KNL1: variants seen among roughly 807,000 people sequenced by gnomAD.
KNL1 encodes kinetochore scaffold 1.
A neutral mutation model predicts 201.3 loss-of-function variants in KNL1; 66 were observed. The observed-to-expected ratio is 0.33, with a 90% CI of 0.27 to 0.40. The LOEUF (loss-of-function observed/expected upper bound fraction) is 0.40. Ranked by LOEUF, KNL1 falls within the 10% of genes least tolerant of loss-of-function variation. The pLI is 1.00. For missense variants in KNL1, 2,815 were observed against 2,690.5 expected (o/e 1.05, Z -1.02); for synonymous variants, 895 against 899.2 (o/e 1.00, Z 0.08).
chr15:40,658,858 A>C (rs562270572), intron 24 of KNL1, among the ~76,000 whole-genome samples: 91 of 150,442 alleles, frequency 6.0e-4, no homozygotes, highest in African/African-American at 2.0e-3. Context: ...TGAACCTGGA[A>C]GGTGGAGGTT....
intron 14 of KNL1, chr15:40,643,176 CTTTTA>C (rs1230287833): frequency 6.6e-6 from 1 of 152,100 alleles, no homozygotes; most frequent in East Asian, 1.9e-4. Context: ...GAATTGGAAA[CTTTTA>C]TTTTATTTTT....
chr15:40,644,827 A>T (rs1030436921), intron 14 of KNL1, among the ~76,000 whole-genome samples, 170 bp from the exon 15 acceptor site: 1 of 152,208 alleles, frequency 6.6e-6, no homozygotes, highest in Non-Finnish European at 1.5e-5. Context: ...GGCTGGGGCA[A>T]AGTGGTTGGG....
intron 14 of KNL1, among the ~76,000 whole-genome samples, chr15:40,641,511 A>C (rs1893227745): frequency 6.6e-6 from 1 of 152,222 alleles, no homozygotes; most frequent in Non-Finnish European, 1.5e-5. Flanking sequence ...AAAATCCAAA[A>C]TGTTTTAGCC....
chr15:40,624,644 C>G lies in KNL1; in HGVS notation c.4380C>G (p.Ile1460Met), dbSNP rs1315801040. Residue 1460 changes from isoleucine (I) to methionine (M), a missense_variant, in exon 10 of 26, where the codon ATC becomes ATG. Physicochemically the swap from Ile to Met is conservative, Grantham distance 10. Transcript: ENST00000399668. ...PPLPKKGQSSINKEEVILSKA... is the reference protein window; with the variant it reads ...PPLPKKGQSSMNKEEVILSKA... ...TACCTAAAAAAGGACAGAGTAGTAT[C>G]AATAAAGAAGAAGTAATACTGTCTA... 6.2e-7 allele frequency: 1 copy of G among 1,613,650 alleles called. No individual in the cohort carries two copies. Among genetic ancestry groups the G allele is most frequent in the Non-Finnish European group, 8.5e-7 (1 of 1,179,796 alleles).
intron 4 of KNL1, 102 bp downstream of exon 4, chr15:40,606,554 A>C: frequency 1.5e-6 from 1 of 671,266 alleles, no homozygotes; most frequent in South Asian, 1.9e-5. Context: ...TAAGCATCCC[A>C]TGAGTTTCCA....
intron 16 of KNL1, among the ~76,000 whole-genome samples, chr15:40,645,980 T>C (rs972517909): frequency 2.0e-5 from 3 of 152,244 alleles, no homozygotes; most frequent in Non-Finnish European, 2.9e-5. Flanking sequence ...TGTGGGCCTA[T>C]GTCTCATCTC....
At chr15:40,632,556 T>G (rs1332933529) in intron 13 of KNL1, among the ~76,000 whole-genome samples, 1 of 151,866 alleles carries the variant, frequency 6.6e-6, no homozygotes, top group Admixed American at 6.6e-5. Context: ...GAGCCAAGAT[T>G]GTACCACTGC....
chr15:40,659,701 C>T (rs1395689322), intron 25 of KNL1, among the ~76,000 whole-genome samples: 1 of 151,992 alleles, frequency 6.6e-6, no homozygotes, highest in African/African-American at 2.4e-5. Context: ...ACCATGGTCT[C>T]GATCTCCTGA....
chr15:40,625,562 A>G lies in KNL1; in HGVS notation c.5298A>G (p.Gln1766=), dbSNP rs1298204953. 6.2e-7 allele frequency: 1 copy of G among 1,602,594 alleles called. No individual in the cohort carries two copies. Among genetic ancestry groups the G allele is most frequent in the Admixed American group, 1.7e-5 (1 of 57,260 alleles). ...TCNSQKRTWV[Q]EEEDIHKEKK... ...ATAGCCAAAAAAGAACGTGGGTACA[A>G]GAAGAAGAAGATATTCATAAGGAGA... Residue 1766 remains glutamine, a synonymous_variant, in exon 10 of 26, where the codon CAA becomes CAG. Coordinates refer to ENST00000399668, the MANE Select transcript of KNL1 (RefSeq NM_144508.5).
intron 1 of KNL1, among the ~76,000 whole-genome samples, chr15:40,599,822 C>T (rs1216964372): frequency 3.3e-5 from 4 of 120,676 alleles, no homozygotes; most frequent in Admixed American, 9.6e-5. Flanking sequence ...TTTAAAGAGA[C>T]GGGGTCTCCC....
chr15:40,643,465 G>A (rs1293853309), intron 14 of KNL1, among the ~76,000 whole-genome samples: 1 of 152,092 alleles, frequency 6.6e-6, no homozygotes. Flanking sequence ...CGCCTGGCCG[G>A]GAACTTTTAT....
intron 3 of KNL1, among the ~76,000 whole-genome samples, chr15:40,605,637 A>T (rs1187546992): frequency 6.6e-6 from 1 of 152,074 alleles, no homozygotes; most frequent in Non-Finnish European, 1.5e-5. Flanking sequence ...TTTAGAAGAG[A>T]TGAGGTTTTG....
intron 14 of KNL1, among the ~76,000 whole-genome samples, chr15:40,643,969 C>T (rs1040392089): frequency 1.2e-4 from 19 of 152,164 alleles, no homozygotes; most frequent in African/African-American, 3.9e-4. Context: ...GTGGCCTGCC[C>T]CTCCACACTT....
At position 40,628,083 on chromosome 15, in the gene KNL1, A is replaced by G. The variant is rs1048046263; in HGVS notation, c.5390A>G (p.His1797Arg). ...TGACAATTTCAGATTTTTGATCACC[A>G]TACTGAAGAGGATATAGATAAAAGT... ...TTQDREIFDHHTEEDIDKSAN... is the reference protein window; with the variant it reads ...TTQDREIFDHRTEEDIDKSAN... Residue 1797 changes from histidine to arginine, a missense_variant, in exon 11 of 26, where the codon CAT (histidine) becomes CGT (arginine). Transcript: ENST00000399668. 1 of 1,602,054 alleles carries G rather than the reference A, an allele frequency of 6.2e-7. No individual in the cohort carries two copies. Among genetic ancestry groups the G allele is most frequent in the Non-Finnish European group, 8.5e-7 (1 of 1,175,856 alleles).
chr15:40,637,873 G>GA (rs372582308), intron 13 of KNL1, among the ~76,000 whole-genome samples: 4,503 of 148,650 alleles, frequency 0.03, 237 homozygotes, highest in African/African-American at 0.1. Context: ...CCAAAAATCT[G>GA]AAAAAAAAAA....
rs1892716093 is a variant in KNL1 at position 40,625,433 on chromosome 15, CAA to C, written c.5170_5171del (p.Asn1724PhefsTer6). ...ENLPVYPDEI[N>X]SSDSINIETE... ...ATCTTCCTGTATATCCTGATGAGAT[CAA>C]TTCTTCAGACTCTATTAACATAGAA... On this transcript the variant is annotated frameshift_variant, in exon 10 of 26. Coordinates refer to ENST00000399668, the MANE Select transcript of KNL1 (RefSeq NM_144508.5). LOFTEE classifies it high-confidence loss of function. 6.2e-7 allele frequency: 1 copy of C among 1,613,676 alleles called. No individual in the cohort carries two copies. Among genetic ancestry groups the C allele is most frequent in the Admixed American group, 1.7e-5 (1 of 59,946 alleles).
Position 40,657,021 on chromosome 15 carries a change from CTT to C in KNL1, c.6485-12_6485-11del. 2.0e-5 allele frequency: 23 copies of C among 1,125,390 alleles called. No individual in the cohort carries two copies. Among genetic ancestry groups the C allele is most frequent in the South Asian group, 4.9e-5 (3 of 61,256 alleles). 69.7% of individuals were successfully genotyped at this position (1,125,390 alleles called of 1,614,324 possible). A position where few individuals can be genotyped will look rare whatever the true frequency, so the allele number is the denominator to read the frequency against. On this transcript the variant is annotated intron_variant, in intron 22 of 25. Transcript: ENST00000399668. ...AATCATAAGTAATAACCTGCTTTTG[CTT>C]TTTTTTTTCCTTCCCCAGAGGATCA... is the stretch of plus-strand genomic sequence containing the variant.
intron 21 of KNL1, among the ~76,000 whole-genome samples, chr15:40,653,896 C>T (rs1893645253): frequency 6.6e-6 from 1 of 152,182 alleles, no homozygotes; most frequent in Non-Finnish European, 1.5e-5. Flanking sequence ...CACTAATGAA[C>T]TCCTACTAAT....
chr15:40,609,349 A>G (rs1892082432), intron 5 of KNL1, among the ~76,000 whole-genome samples: 1 of 152,118 alleles, frequency 6.6e-6, no homozygotes, highest in South Asian at 2.1e-4. Flanking sequence ...CAGGAGTTCT[A>G]GGCTGCAGTG....
Sources: gnomAD v4.1 joint callset for allele counts (sites outside exome capture counted in the v4.1 genomes callset) on GRCh38, gnomAD v4.1.1 for gene constraint, MANE v1.5 for transcripts, NCBI Gene and HGNC (gene_info 2026-07-23, HGNC 2026-07-21) for gene names.